Variants in CRYBA1 observed in about 807,000 individuals in gnomAD.
The protein encoded by CRYBA1 is beta-crystallin A3.
A neutral mutation model predicts 36.2 loss-of-function variants in CRYBA1; 25 were observed. The observed-to-expected ratio is 0.69, with a 90% confidence interval of 0.50 to 0.97. CRYBA1 has a LOEUF of 0.97. CRYBA1 is among the 50% of genes least tolerant of loss of function. CRYBA1 has a pLI of 0.00. For synonymous variants in CRYBA1, 111 were observed against 90.0 expected, an observed-to-expected ratio of 1.23 and a Z score of -1.32; for missense variants, 224 against 276.3, an observed-to-expected ratio of 0.81 and a Z score of 1.34.
Position 29,253,659 on chromosome 17 carries a change from T to TG in CRYBA1, c.378dup (p.Thr127AspfsTer4). 6.2e-7 allele frequency: 1 copy of TG among 1,613,802 alleles called. No individual in the cohort carries two copies. Among genetic ancestry groups the TG allele is most frequent in the Non-Finnish European group, 8.5e-7 (1 of 1,179,660 alleles). On this transcript the variant is annotated frameshift_variant, in exon 5 of 6. Transcript: ENST00000225387. LOFTEE classifies it high-confidence loss of function. ...TTACAGAATCATAAGGAGTCTAAGA[T>TG]GACCATCTTTGAGAAGGAAAACTTT...
rs561081572 is a variant in CRYBA1, at chr17:29,252,252, A to G, written c.357+47A>G. 11 of 1,611,840 alleles carry G rather than the reference A, an allele frequency of 6.8e-6. No homozygotes were observed. The African/African-American group carries it at 8.0e-5, about 12-fold the overall frequency. ...TTCCGTGCATATGAGGGATGGGACA[A>G]GAGGGTGTGGACAGACTGACGTTCA... On this transcript the variant is annotated intron_variant, in intron 4 of 5. Coordinates refer to ENST00000225387, the MANE Select transcript of CRYBA1 (RefSeq NM_005208.5).
intron 4 of CRYBA1, among the ~76,000 whole-genome samples, chr17:29,252,934 C>T (rs1379279727): frequency 1.3e-5 from 2 of 152,156 alleles, no homozygotes; most frequent in African/African-American, 4.8e-5. Flanking sequence ...TAAATAGTTG[C>T]CTGTCTGGAA....
At chr17:29,253,597 T>C (rs2068949001) in intron 4 of CRYBA1, 43 bp from the exon 5 acceptor site, 3 of 1,505,720 alleles carry the variant, frequency 2.0e-6, no homozygotes, top group Non-Finnish European at 2.8e-6. Flanking sequence ...ATGATAGCCA[T>C]AGCACTAGTA....
chr17:29,253,717 C>T lies in CRYBA1; in HGVS notation c.435C>T (p.Tyr145=), dbSNP rs1163246572. Residue 145 remains tyrosine, a synonymous_variant, in exon 5 of 6, where the codon TAC becomes TAT. Transcript: ENST00000225387. ...IGRQWEISDD[Y]PSLQAMGWFN... is the part of the protein sequence containing the mutation. ...GCCAGTGGGAGATCTCTGACGACTA[C>T]CCCTCCTTGCAAGCCATGGGCTGGT... 6.2e-7 allele frequency: 1 copy of T among 1,614,150 alleles called. No homozygotes were observed. Among genetic ancestry groups the T allele is most frequent in the African/African-American group, 1.3e-5 (1 of 75,038 alleles).
intron 1 of CRYBA1, 109 bp from the exon 2 acceptor site, chr17:29,249,033 A>C (rs2068918684): frequency 1.8e-5 from 14 of 791,228 alleles, no homozygotes; most frequent in Non-Finnish European, 3.2e-5. Context: ...CCAGAATTTC[A>C]ACCAAAGTCT....
chr17:29,250,138 T>C (rs2068926425), intron 2 of CRYBA1, 44 bp from the exon 3 acceptor site: 1 of 1,106,950 alleles, frequency 9.0e-7, no homozygotes, highest in Non-Finnish European at 1.4e-6. Flanking sequence ...ACCTCTGTTT[T>C]TCCTGATGTT....
In CRYBA1 at chr17:29,250,248, GTC is replaced by G; in HGVS notation, c.167_168del (p.Ser56Ter). 1.2e-6 allele frequency: 2 copies of G among 1,613,876 alleles called. No individual in the cohort carries two copies. Among genetic ancestry groups the G allele is most frequent in the Non-Finnish European group, 8.5e-7 (1 of 1,179,744 alleles). On this transcript the variant is annotated frameshift_variant, in exon 3 of 6. Transcript: ENST00000225387. LOFTEE classifies it high-confidence loss of function. ...GGAGTTCACCAGCTCCTGTCCAAAT[GTC>G]TCTGAGCGCAGTTTTGATAATGTCC... Reference protein sequence around the residue: ...RMEFTSSCPNVSERSFDNVRS... With the variant: ...RMEFTSSCPNXSERSFDNVRS...
chr17:29,247,112 G>T (rs1254243040), intron 1 of CRYBA1, among the ~76,000 whole-genome samples: 1 of 152,240 alleles, frequency 6.6e-6, no homozygotes, highest in Non-Finnish European at 1.5e-5. Flanking sequence ...CTGGGGGATG[G>T]GCATGGGCCC....
Position 29,250,172 on chromosome 17 carries a change from C to A in CRYBA1, c.97-10C>A, listed in dbSNP as rs1408222985. 8.9e-6 allele frequency: 13 copies of A among 1,464,050 alleles called. No homozygotes were observed. The highest frequency in any genetic ancestry group is 1.2e-5 in the Non-Finnish European group (13 of 1,042,820). 90.7% of individuals were successfully genotyped at this position (1,464,050 alleles called of 1,614,324 possible). ...TTCTAGCTCTCTTGCGCCATTCAAT[C>A]TCATTTCAGATAACCATCTATGATC... On this transcript the variant is annotated splice_polypyrimidine_tract_variant and intron_variant, in intron 2 of 5. Transcript: ENST00000225387.
chr17:29,247,577 A>T (rs577375532), intron 1 of CRYBA1, among the ~76,000 whole-genome samples: 115 of 152,300 alleles, frequency 7.6e-4, no homozygotes, highest in Middle Eastern at 3.4e-3. Flanking sequence ...TTCCTTCAAT[A>T]AGTCTTTTTC....
At position 29,251,497 on chromosome 17, in the gene CRYBA1, T is replaced by A. The variant is rs576158123; in HGVS notation, c.216-567T>A. Among the ~76,000 whole-genome samples the A allele has an allele frequency of 5.4e-4, 79 of 145,106 alleles. 1 individual carries two copies. The highest frequency in any genetic ancestry group is 6.5e-4 in the South Asian group (3 of 4,636). The stretch of plus-strand genomic sequence containing the variant: ...TGATTTGGAGAAAAAGAAAAAAAAA[T>A]TTTTTTTTTTTTTGAGGCAAGGTGT... On this transcript the variant is annotated intron_variant, in intron 3 of 5. Coordinates refer to ENST00000225387, the MANE Select transcript of CRYBA1 (RefSeq NM_005208.5).
At chr17:29,249,976 A>G (rs2068925349) in intron 2 of CRYBA1, among the ~76,000 whole-genome samples, 1 of 152,144 alleles carries the variant, frequency 6.6e-6, no homozygotes, top group Non-Finnish European at 1.5e-5. Flanking sequence ...CCTCCACCTC[A>G]TCCCTACTCT....
rs375339782 is a variant in CRYBA1 at position 29,250,274 on chromosome 17, C to A, written c.189C>A (p.Val63=). ...PNVSERSFDN[V]RSLKVESGAW... ...TCTCTGAGCGCAGTTTTGATAATGTCCGGTCCCTGAAGGTGGAAAGTGGCG... is the reference window on the plus strand; with the variant it reads ...TCTCTGAGCGCAGTTTTGATAATGTACGGTCCCTGAAGGTGGAAAGTGGCG... The change falls in exon 3 of 6, where the codon GTC becomes GTA. Residue 63 remains valine, a synonymous_variant. Coordinates refer to ENST00000225387, the MANE Select transcript of CRYBA1 (RefSeq NM_005208.5). 3 of 1,611,878 alleles carry A rather than the reference C, an allele frequency of 1.9e-6. No individual in the cohort carries two copies. Among genetic ancestry groups the A allele is most frequent in the Non-Finnish European group, 1.7e-6 (2 of 1,177,914 alleles).
chr17:29,249,859 C>T (rs1262150113), intron 2 of CRYBA1, among the ~76,000 whole-genome samples: 2 of 152,174 alleles, frequency 1.3e-5, no homozygotes, highest in African/African-American at 4.8e-5. Flanking sequence ...GCCTCTGGGC[C>T]ATGCTTATGA....
intron 1 of CRYBA1, among the ~76,000 whole-genome samples, chr17:29,248,489 C>T (rs1228259120): frequency 3.3e-5 from 5 of 151,410 alleles, no homozygotes; most frequent in African/African-American, 7.2e-5. Context: ...CTCAGCCTCC[C>T]GAGTAGCTGG....
chr17:29,248,064 C>T (rs959305835), intron 1 of CRYBA1, among the ~76,000 whole-genome samples: 1 of 150,874 alleles, frequency 6.6e-6, no homozygotes, highest in Admixed American at 6.6e-5. Context: ...TGCGGTGAGC[C>T]GAGATTGCGC....
chr17:29,252,251 A>T (rs1324161605), intron 4 of CRYBA1, 46 bp downstream of exon 4: 1 of 1,611,894 alleles, frequency 6.2e-7, no homozygotes, highest in African/African-American at 1.3e-5. Context: ...GGGATGGGAC[A>T]AGAGGGTGTG....
At chr17:29,248,997 C>T (rs1307896353) in intron 1 of CRYBA1, 145 bp from the exon 2 acceptor site, 23 of 689,990 alleles carry the variant, frequency 3.3e-5, no homozygotes, top group East Asian at 1.1e-4. Context: ...CAACAAACCC[C>T]GAGGCACAGC....
intron 1 of CRYBA1, among the ~76,000 whole-genome samples, chr17:29,248,175 G>A (rs2068912582): frequency 6.6e-6 from 1 of 151,864 alleles, no homozygotes; most frequent in Non-Finnish European, 1.5e-5. Flanking sequence ...AGACCGTGAA[G>A]GGTTACGAGG....
Sources: allele counts gnomAD v4.1 joint callset (sites outside exome capture counted in the v4.1 genomes callset), GRCh38; gene constraint gnomAD v4.1.1; transcripts MANE v1.5; gene names NCBI Gene and HGNC (gene_info 2026-07-23, HGNC 2026-07-21).